MAF: variants seen among roughly 807,000 people sequenced by gnomAD.
MAF encodes transcription factor Maf.
MAF carries 10 observed loss-of-function variants against 22.0 expected under a neutral mutation model. That is an observed-to-expected ratio of 0.45 (90% CI 0.28 to 0.77). The LOEUF is 0.77. Among genes scored for constraint, MAF ranks in the 30% least tolerant of loss-of-function variants. MAF has a pLI of 0.12. For missense variants in MAF, 544 were observed against 548.4 expected (o/e 0.99, Z 0.08); for synonymous variants, 337 against 255.8 (o/e 1.32, Z -3.03).
the MAF span, among the ~76,000 whole-genome samples, chr16:79,339,859 C>G: frequency 9.8e-5 from 15 of 152,308 alleles, no homozygotes; most frequent in Non-Finnish European, 2.1e-4. Flanking sequence ...TAAAGCAAAG[C>G]CAACACTGGA....
At chr16:79,323,955 T>C in the MAF span, among the ~76,000 whole-genome samples, 1 of 152,212 alleles carries the variant, frequency 6.6e-6, no homozygotes, top group Non-Finnish European at 1.5e-5. Flanking sequence ...ACTATATGCC[T>C]GTAGAACACC....
At chr16:79,211,920 G>T in the MAF span, 4 of 1,543,480 alleles carry the variant, frequency 2.6e-6, no homozygotes, top group Admixed American at 2.0e-5. Context: ...GGAAATAAGA[G>T]CAGTCACAAC....
the MAF span, among the ~76,000 whole-genome samples, chr16:79,312,384 T>C: frequency 6.6e-6 from 1 of 152,290 alleles, no homozygotes. Context: ...TTAACGTCTA[T>C]CTTTTCTGGT....
At chr16:79,489,409 C>A in the MAF span, among the ~76,000 whole-genome samples, 22 of 152,064 alleles carry the variant, frequency 1.4e-4, no homozygotes, top group African/African-American at 5.3e-4. Flanking sequence ...CATCAGTTCC[C>A]GTGATAAGAG....
chr16:79,241,227 G>A, the MAF span, among the ~76,000 whole-genome samples: 12 of 152,010 alleles, frequency 7.9e-5, no homozygotes, highest in Non-Finnish European at 1.5e-4. Flanking sequence ...CCCAAGGTGG[G>A]TAATAACAAA....
the MAF span, among the ~76,000 whole-genome samples, chr16:79,474,832 C>T: frequency 2.3e-4 from 35 of 152,266 alleles, no homozygotes; most frequent in East Asian, 6.2e-3. Flanking sequence ...CATTCTGAGC[C>T]ATGTCTAGAG....
chr16:79,570,976 C>G, the MAF span, among the ~76,000 whole-genome samples: 1 of 152,170 alleles, frequency 6.6e-6, no homozygotes, highest in Non-Finnish European at 1.5e-5. Flanking sequence ...TCTGTTCTAG[C>G]ATTCTCATCT....
the MAF span, among the ~76,000 whole-genome samples, chr16:79,435,896 C>T: frequency 1.3e-5 from 2 of 152,106 alleles, no homozygotes; most frequent in African/African-American, 4.8e-5. Flanking sequence ...GAAAGCTTGG[C>T]CTTCAATTCA....
chr16:79,242,076 C>G, the MAF span, among the ~76,000 whole-genome samples: 2 of 151,980 alleles, frequency 1.3e-5, no homozygotes, highest in Non-Finnish European at 2.9e-5. Context: ...TGGTACCAGT[C>G]AATGCAAAAA....
At chr16:79,488,328 G>A in the MAF span, among the ~76,000 whole-genome samples, 3 of 152,178 alleles carry the variant, frequency 2.0e-5, no homozygotes, top group Non-Finnish European at 2.9e-5. Flanking sequence ...AGAAATGTTA[G>A]GTCCTCTCCT....
the MAF span, among the ~76,000 whole-genome samples, chr16:79,243,372 GA>G: frequency 3.3e-5 from 5 of 151,808 alleles, no homozygotes; most frequent in Admixed American, 3.3e-4. Context: ...AATAAAAAAT[GA>G]AAAAGGGGAT....
chr16:79,287,718 T>C, the MAF span, among the ~76,000 whole-genome samples: 4 of 151,970 alleles, frequency 2.6e-5, no homozygotes, highest in Admixed American at 6.5e-5. Context: ...CTCATTCATT[T>C]ATTCACTCAT....
the MAF span, among the ~76,000 whole-genome samples, chr16:79,262,947 G>A: frequency 1.3e-5 from 2 of 152,112 alleles, no homozygotes; most frequent in Admixed American, 1.3e-4. Flanking sequence ...TAATGAGTAG[G>A]ACAATCAGAT....
chr16:79,596,073 T>C, intron 1 of MAF: 1 of 1,062,374 alleles, frequency 9.4e-7, no homozygotes, highest in Non-Finnish European at 1.1e-6. Flanking sequence ...CTCTTTACCG[T>C]TCAATGCATA....
At chr16:79,240,044 G>A in the MAF span, among the ~76,000 whole-genome samples, 2 of 151,944 alleles carry the variant, frequency 1.3e-5, no homozygotes, top group African/African-American at 2.4e-5. Flanking sequence ...GTGGGCACAT[G>A]GCTTCCCTTC....
At chr16:79,419,636 C>T in the MAF span, among the ~76,000 whole-genome samples, 13 of 152,194 alleles carry the variant, frequency 8.5e-5, no homozygotes, top group Admixed American at 8.5e-4. Flanking sequence ...TTTGAAGAAA[C>T]AGACAAAATG....
chr16:79,334,843 G>A, the MAF span, among the ~76,000 whole-genome samples: 2 of 45,988 alleles, frequency 4.3e-5, no homozygotes, highest in East Asian at 6.8e-4. Flanking sequence ...AATAAAGTGT[G>A]TGTGTGTGTG....
At chr16:79,474,437 A>C in the MAF span, among the ~76,000 whole-genome samples, 1 of 152,194 alleles carries the variant, frequency 6.6e-6, no homozygotes, top group Non-Finnish European at 1.5e-5. Context: ...GGCTGGGCAG[A>C]CAGACAAGCC....
At chr16:79,309,198 G>A in the MAF span, among the ~76,000 whole-genome samples, 1 of 152,296 alleles carries the variant, frequency 6.6e-6, no homozygotes, top group South Asian at 2.1e-4. Flanking sequence ...CTGAAGGGGT[G>A]ATGGTGTAAT....
Sources: gnomAD v4.1 joint callset for allele counts (sites outside exome capture counted in the v4.1 genomes callset) on GRCh38, gnomAD v4.1.1 for gene constraint, MANE v1.5 for transcripts, NCBI Gene and HGNC (gene_info 2026-07-23, HGNC 2026-07-21) for gene names.